RASAL2: variants seen among roughly 807,000 people sequenced by gnomAD.
RASAL2 encodes RAS protein activator like 2, also known as ras GTPase-activating protein nGAP.
A neutral mutation model predicts 128.9 loss-of-function variants in RASAL2; 58 were observed. That is an observed-to-expected ratio of 0.45 (90% CI 0.36 to 0.56). The LOEUF (loss-of-function observed/expected upper bound fraction) is 0.56, where lower values mean the gene tolerates loss of function less well. RASAL2 is among the 20% of genes least tolerant of loss of function. RASAL2 has a pLI of 0.00. For synonymous variants in RASAL2, 561 were observed against 580.8 expected, an observed-to-expected ratio of 0.97 and a Z score of 0.49; for missense variants, 1,360 against 1,601.6, an observed-to-expected ratio of 0.85 and a Z score of 2.57.
At chr1:178,339,425 C>T (rs1362709573) in intron 3 of RASAL2, among the ~76,000 whole-genome samples, 1 of 152,148 alleles carries the variant, frequency 6.6e-6, no homozygotes, top group African/African-American at 2.4e-5. Context: ...TTTCCTGCAG[C>T]ATGAGTGAGT....
chr1:178,456,238 A>T (rs868367131), intron 12 of RASAL2, among the ~76,000 whole-genome samples: 1 of 152,092 alleles, frequency 6.6e-6, no homozygotes. Flanking sequence ...ACCTTCTTAT[A>T]TGTTGGCATG....
intron 1 of RASAL2, among the ~76,000 whole-genome samples, chr1:178,213,312 G>T (rs1663317805): frequency 1.3e-5 from 2 of 152,200 alleles, no homozygotes; most frequent in South Asian, 4.1e-4. Flanking sequence ...CCAAAGTGCA[G>T]GGATTACAGG....
At chr1:178,260,362 AAATATATATAT>A (rs1665626776) in intron 1 of RASAL2, among the ~76,000 whole-genome samples, 2 of 31,328 alleles carry the variant, frequency 6.4e-5, no homozygotes, top group African/African-American at 1.1e-4. Context: ...AAAAAAAAAA[AAATATATATAT>A]ATATATATAT....
At position 178,464,330 on chromosome 1, in the gene RASAL2, C is replaced by T. The variant is rs1189654821; in HGVS notation, c.3305C>T (p.Ala1102Val). The change falls in exon 15 of 18, where the codon GCC becomes GTC. Residue 1102 changes from alanine to valine, a missense_variant. Ala to Val is a moderately conservative substitution (Grantham distance 64, BLOSUM62 0). Transcript: ENST00000367649. ...ATGTCCCCAGTAGAGAGGACAGCAG[C>T]CTGGGTTCTGAACAATGGGCAGTAT... Reference protein sequence around the residue: ...ATMSPVERTAAWVLNNGQYEE... With the variant: ...ATMSPVERTAVWVLNNGQYEE... 5.6e-6 allele frequency: 9 copies of T among 1,613,566 alleles called. No individual in the cohort carries two copies. Among genetic ancestry groups the T allele is most frequent in the Non-Finnish European group, 6.8e-6 (8 of 1,179,772 alleles).
chr1:178,462,414 T>C (rs1678266018), intron 14 of RASAL2, among the ~76,000 whole-genome samples: 1 of 152,150 alleles, frequency 6.6e-6, no homozygotes, highest in African/African-American at 2.4e-5. Context: ...CTGTATGATA[T>C]GATGCCCATT....
rs376768476 is a variant in RASAL2 at position 178,141,153 on chromosome 1, G to A, written c.202+46459G>A. 3.3e-4 allele frequency among the ~76,000 whole-genome samples: 48 copies of A among 147,672 alleles called. 1 individual carries two copies. In the South Asian group the frequency reaches 0.01, roughly 32 times the overall value. ...CTGTGATCCAAACACCTCTGACCAG[G>A]CCCCATCTCCAACACTGGAGACCAC... is the stretch of plus-strand genomic sequence containing the variant. On this transcript the variant is annotated intron_variant, in intron 1 of 17. Coordinates refer to ENST00000367649, the MANE Select transcript of RASAL2 (RefSeq NM_170692.4).
At chr1:178,451,760 T>A in intron 10 of RASAL2, 45 bp downstream of exon 10, 17 of 1,573,546 alleles carry the variant, frequency 1.1e-5, no homozygotes, top group Non-Finnish European at 1.5e-5. Context: ...CATGTAAAGG[T>A]CATCACAGTG....
chr1:178,435,772 C>A (rs1374922943), intron 5 of RASAL2, among the ~76,000 whole-genome samples: 1 of 151,984 alleles, frequency 6.6e-6, no homozygotes, highest in East Asian at 1.9e-4. Context: ...TCTGTTGGAG[C>A]CCTGAATTAT....
chr1:178,158,665 G>A (rs535834988), intron 1 of RASAL2, among the ~76,000 whole-genome samples: 2 of 152,186 alleles, frequency 1.3e-5, no homozygotes, highest in Non-Finnish European at 2.9e-5. Context: ...TAGAAGAATC[G>A]TTAGTATCAT....
chr1:178,404,000 G>A (rs1016554950), intron 4 of RASAL2, among the ~76,000 whole-genome samples: 1 of 152,156 alleles, frequency 6.6e-6, no homozygotes, highest in African/African-American at 2.4e-5. Flanking sequence ...GCTGAAGCAG[G>A]CAGATCACCA....
At chr1:178,102,749 T>C (rs1469130052) in intron 1 of RASAL2, among the ~76,000 whole-genome samples, 2 of 152,146 alleles carry the variant, frequency 1.3e-5, no homozygotes, top group African/African-American at 2.4e-5. Context: ...AAATTCAGAG[T>C]ATAAAAAGAT....
rs145261500 is a variant in RASAL2, at chr1:178,207,346, A to C, written c.203-76218A>C. The stretch of plus-strand genomic sequence containing the variant: ...AGATTCAACCAACCATGGATTGAAG[A>C]TATTAGAAAAAGTAATAATAACAAT... On this transcript the variant is annotated intron_variant, in intron 1 of 17. Coordinates refer to ENST00000367649, the MANE Select transcript of RASAL2 (RefSeq NM_170692.4). 8.5e-5 allele frequency among the ~76,000 whole-genome samples: 13 copies of C among 152,348 alleles called. No homozygotes were observed. The East Asian group carries it at 2.5e-3, about 29-fold the overall frequency.
chr1:178,177,646 T>C (rs945978693), intron 1 of RASAL2, among the ~76,000 whole-genome samples: 2 of 152,054 alleles, frequency 1.3e-5, no homozygotes, highest in African/African-American at 4.8e-5. Flanking sequence ...AACATTCCAT[T>C]TTGAGGGAAT....
chr1:178,451,853 GAA>G lies in RASAL2; in HGVS notation c.1772+140_1772+141del, dbSNP rs1263686941. The stretch of plus-strand genomic sequence containing the variant: ...AAGGGGAGGGTCTTGGAGAAAAATT[GAA>G]AGTTTCCCTAATACAGTCCCGTCTA... On this transcript the variant is annotated intron_variant, in intron 10 of 17. Coordinates refer to ENST00000367649, the MANE Select transcript of RASAL2 (RefSeq NM_170692.4). 7.1e-6 allele frequency: 8 copies of G among 1,120,314 alleles called. No homozygotes were observed. In the African/African-American group the frequency reaches 1.3e-4, roughly 18 times the overall value. 69.4% of individuals were successfully genotyped at this position (1,120,314 alleles called of 1,614,324 possible). A position where few individuals can be genotyped will look rare whatever the true frequency, so the allele number is the denominator to read the frequency against.
In RASAL2 at chr1:178,257,593, T is replaced by C. The variant is rs145166061; in HGVS notation, c.203-25971T>C. On this transcript the variant is annotated intron_variant, in intron 1 of 17. Transcript: ENST00000367649. The stretch of plus-strand genomic sequence containing the variant: ...TGGCTCACGCCTGTAATCCCTGCAC[T>C]TTGGAAAACCAAGGCAGGTGGCTGC... Among the ~76,000 whole-genome samples, 126 of 152,258 alleles carry C rather than the reference T, an allele frequency of 8.3e-4. 1 individual carries two copies. The highest frequency in any genetic ancestry group is 2.9e-3 in the African/African-American group (119 of 41,538).
At chr1:178,338,957 A>G (rs542625649) in intron 3 of RASAL2, among the ~76,000 whole-genome samples, 2 of 152,358 alleles carry the variant, frequency 1.3e-5, no homozygotes, top group Admixed American at 1.3e-4. Context: ...TTTCCCACTT[A>G]TCCCAGAGTT....
At chr1:178,349,088 C>T (rs1173345227) in intron 3 of RASAL2, among the ~76,000 whole-genome samples, 13 of 151,052 alleles carry the variant, frequency 8.6e-5, no homozygotes, top group African/African-American at 2.9e-4. Context: ...CCTGAGCCAC[C>T]GCGCCCGGCC....
chr1:178,332,331 G>A (rs955153062), intron 3 of RASAL2, among the ~76,000 whole-genome samples: 2 of 151,746 alleles, frequency 1.3e-5, no homozygotes, highest in East Asian at 2.0e-4. Flanking sequence ...GTAAAACCTC[G>A]TCTCTACTAA....
chr1:178,353,037 C>T (rs1284412029), intron 3 of RASAL2, among the ~76,000 whole-genome samples: 1 of 152,232 alleles, frequency 6.6e-6, no homozygotes, highest in Non-Finnish European at 1.5e-5. Flanking sequence ...GCCAAGGTCT[C>T]AGAAATGCCT....
Sources: gnomAD v4.1 joint callset for allele counts (sites outside exome capture counted in the v4.1 genomes callset) on GRCh38, gnomAD v4.1.1 for gene constraint, MANE v1.5 for transcripts, NCBI Gene and HGNC (gene_info 2026-07-23, HGNC 2026-07-21) for gene names.